Variants in VAC14 observed in about 807,000 individuals in gnomAD.
The protein encoded by VAC14 is VAC14 component of PIKFYVE complex.
In VAC14, 47 loss-of-function variants were observed where a neutral mutation model predicts 85.3. The ratio of observed to expected loss-of-function variants is 0.55; its 90% CI spans 0.44 to 0.70. The LOEUF is 0.70. Ranked by LOEUF, VAC14 falls within the 30% of genes least tolerant of loss-of-function variation. VAC14 has a pLI of 0.00. For missense variants in VAC14, 861 were observed against 1,004.3 expected (o/e 0.86, Z 1.93); for synonymous variants, 447 against 430.5 (o/e 1.04, Z -0.47).
chr16:70,702,793 C>G (rs141340740), intron 14 of VAC14, among the ~76,000 whole-genome samples: 19 of 152,192 alleles, frequency 1.2e-4, no homozygotes, highest in Non-Finnish European at 2.1e-4. Flanking sequence ...CCATTTTCCA[C>G]TACAGTCCCT....
intron 13 of VAC14, among the ~76,000 whole-genome samples, chr16:70,742,204 GC>G (rs1740654295): frequency 6.6e-6 from 1 of 152,180 alleles, no homozygotes; most frequent in African/African-American, 2.4e-5. Flanking sequence ...AGAGGCTGTG[GC>G]GCCTGCTTCC....
intron 14 of VAC14, 163 bp downstream of exon 14, chr16:70,731,332 C>CA: frequency 6.8e-7 from 1 of 1,464,080 alleles, no homozygotes; most frequent in East Asian, 2.3e-5. Context: ...CATCAGCAAC[C>CA]AGTATGAAGG....
intron 9 of VAC14, chr16:70,779,273 G>T (rs1167000889): frequency 6.6e-6 from 1 of 152,244 alleles, no homozygotes; most frequent in African/African-American, 2.4e-5. Flanking sequence ...TTGACATTCT[G>T]CTCAGCTGTT....
chr16:70,786,455 C>A, intron 1 of VAC14, 90 bp from the exon 2 acceptor site: 1 of 1,530,906 alleles, frequency 6.5e-7, no homozygotes, highest in Non-Finnish European at 8.9e-7. Flanking sequence ...AGGGAGATGA[C>A]CTGTTTGGAA....
chr16:70,788,998 C>G (rs1224472605), intron 1 of VAC14, among the ~76,000 whole-genome samples: 1 of 152,230 alleles, frequency 6.6e-6, no homozygotes, highest in Non-Finnish European at 1.5e-5. Context: ...TAAGGGGACT[C>G]CTGTTGTGCT....
chr16:70,695,430 C>G (rs1302091881), intron 17 of VAC14, 114 bp downstream of exon 17: 1 of 1,049,560 alleles, frequency 9.5e-7, no homozygotes, highest in Non-Finnish European at 1.5e-6. Flanking sequence ...CCTGGGGTGA[C>G]TGCTCTTCCT....
intron 12 of VAC14, among the ~76,000 whole-genome samples, chr16:70,761,662 G>A (rs1448197315): frequency 6.6e-6 from 1 of 152,198 alleles, no homozygotes; most frequent in Non-Finnish European, 1.5e-5. Flanking sequence ...CCACCTCCCA[G>A]GCCAGCCTCT....
Position 70,695,614 on chromosome 16 carries a change from C to T in VAC14, c.1965G>A (p.Leu655=), listed in dbSNP as rs1249221198. Residue 655 remains leucine (L), a synonymous_variant, in exon 17 of 19, where the codon CTG becomes CTA. Coordinates refer to ENST00000261776, the MANE Select transcript of VAC14 (RefSeq NM_018052.5). ...AYDLIQKFGD[L]EVTVDFLAEV... ...CTGCGAGGAAGTCCACGGTGACCTC[C>T]AGGTCCCCACTGGGTGTGCAGTCAA... is the stretch of plus-strand genomic sequence containing the variant. 1.9e-6 allele frequency: 3 copies of T among 1,613,580 alleles called. No individual in the cohort carries two copies. The highest frequency in any genetic ancestry group is 1.7e-5 in the Admixed American group (1 of 60,006).
rs1462658129 is a variant in VAC14, at chr16:70,789,437, T to C, written c.105-3072A>G. On this transcript the variant is annotated intron_variant, in intron 1 of 18. Transcript: ENST00000261776. ...AGAGACTGGCTTCATATTCTGTTAA[T>C]CAACTTATATGCAAGGAGGCCCAAG... 3.9e-5 allele frequency among the ~76,000 whole-genome samples: 6 copies of C among 152,278 alleles called. No homozygotes were observed. In the South Asian group the frequency reaches 1.2e-3, roughly 32 times the overall value.
intron 13 of VAC14, among the ~76,000 whole-genome samples, chr16:70,736,932 C>A (rs1370839351): frequency 6.6e-6 from 1 of 152,096 alleles, no homozygotes; most frequent in East Asian, 1.9e-4. Flanking sequence ...ATGGGAAAGG[C>A]CTCAGTGCTC....
chr16:70,737,686 A>G (rs2054804463), intron 13 of VAC14, among the ~76,000 whole-genome samples: 2 of 152,186 alleles, frequency 1.3e-5, no homozygotes, highest in African/African-American at 4.8e-5. Context: ...AGATGTTACT[A>G]AGTGAAACCT....
chr16:70,694,098 C>A (rs1434791736), intron 17 of VAC14, among the ~76,000 whole-genome samples: 1 of 152,228 alleles, frequency 6.6e-6, no homozygotes, highest in African/African-American at 2.4e-5. Flanking sequence ...AGGATCCAGG[C>A]GACTCAGGGC....
intron 12 of VAC14, among the ~76,000 whole-genome samples, chr16:70,756,397 G>A (rs989454511): frequency 6.6e-6 from 1 of 152,164 alleles, no homozygotes; most frequent in Non-Finnish European, 1.5e-5. Flanking sequence ...GAGTTTTTCC[G>A]ATCCATTTCT....
chr16:70,734,724 A>C (rs1475696338), intron 13 of VAC14, among the ~76,000 whole-genome samples: 1 of 152,162 alleles, frequency 6.6e-6, no homozygotes, highest in Non-Finnish European at 1.5e-5. Flanking sequence ...TTGAGCACCT[A>C]CTATGTGCTT....
chr16:70,766,623 G>T (rs1362736397), intron 10 of VAC14: 4 of 434,510 alleles, frequency 9.2e-6, no homozygotes, highest in Non-Finnish European at 1.9e-5. Context: ...ACCCATCTGA[G>T]ACCATGAGGC....
intron 14 of VAC14, among the ~76,000 whole-genome samples, chr16:70,712,345 T>G (rs2054052670): frequency 6.6e-6 from 1 of 152,062 alleles, no homozygotes; most frequent in Admixed American, 6.5e-5. Context: ...GCCTGCTCCC[T>G]CCACTCCCCA....
intron 3 of VAC14, 43 bp downstream of exon 3, chr16:70,785,659 G>A (rs2034014229): frequency 1.3e-6 from 2 of 1,514,842 alleles, no homozygotes; most frequent in East Asian, 2.5e-5. Flanking sequence ...TGAGGTGGGG[G>A]AACCAAGCGC....
At position 70,715,789 on chromosome 16, in the gene VAC14, A is replaced by C. The variant is rs1597874717; in HGVS notation, c.1661+15706T>G. ...GCGGTGGAGTCGGGGCTGTCGGGCC[A>C]AGGTGAGGGCCTGCAGGCGGGATAG... On this transcript the variant is annotated intron_variant, in intron 14 of 18. Coordinates refer to ENST00000261776, the MANE Select transcript of VAC14 (RefSeq NM_018052.5). The C allele has an allele frequency of 2.0e-5, 3 of 152,268 alleles. No individual in the cohort carries two copies. The South Asian group carries it at 6.2e-4, about 32-fold the overall frequency. 9.4% of individuals were successfully genotyped at this position (152,268 alleles called of 1,614,324 possible).
intron 12 of VAC14, among the ~76,000 whole-genome samples, chr16:70,757,041 T>C (rs1350185504): frequency 6.6e-6 from 1 of 152,178 alleles, no homozygotes; most frequent in African/African-American, 2.4e-5. Flanking sequence ...CAAACTCCCA[T>C]CAGCAATTTT....
Sources: gnomAD v4.1 joint callset for allele counts (sites outside exome capture counted in the v4.1 genomes callset) on GRCh38, gnomAD v4.1.1 for gene constraint, MANE v1.5 for transcripts, NCBI Gene and HGNC (gene_info 2026-07-23, HGNC 2026-07-21) for gene names.